Variants in GATAD2B observed in about 807,000 individuals in gnomAD.
The protein encoded by GATAD2B is transcriptional repressor p66-beta.
A neutral mutation model predicts 64.3 loss-of-function variants in GATAD2B; 8 were observed. That is an observed-to-expected ratio of 0.12 (90% CI 0.07 to 0.22). The LOEUF (loss-of-function observed/expected upper bound fraction) is 0.22, where lower values mean the gene tolerates loss of function less well. Among genes scored for constraint, GATAD2B ranks in the 10% least tolerant of loss-of-function variants. GATAD2B has a pLI of 1.00. For missense variants in GATAD2B, 453 were observed against 752.0 expected, an observed-to-expected ratio of 0.60 and a Z score of 4.65; for synonymous variants, 281 against 271.3, an observed-to-expected ratio of 1.04 and a Z score of -0.35.
chr1:153,901,544 A>G (rs1244458596), intron 1 of GATAD2B, among the ~76,000 whole-genome samples: 1 of 152,012 alleles, frequency 6.6e-6, no homozygotes. Flanking sequence ...AAAATGTCCA[A>G]CTGCGCCCGA....
chr1:153,891,574 T>TAAAAAA lies in GATAD2B; in HGVS notation c.-2+31153_-2+31158dup, dbSNP rs1163572311. ...AACAAAAGTGAAACTCTGTCTCGTT[T>TAAAAAA]AAAAAAAAAAAAAAAAAAAAAAAAG... On this transcript the variant is annotated intron_variant, in intron 1 of 10. Transcript: ENST00000368655. Among the ~76,000 whole-genome samples, 52 of 19,946 alleles carry TAAAAAA rather than the reference T, an allele frequency of 2.6e-3. 1 individual carries two copies. Among genetic ancestry groups the TAAAAAA allele is most frequent in the Non-Finnish European group, 3.3e-3 (39 of 11,994 alleles). 13.1% of individuals were successfully genotyped at this position (19,946 alleles called of 152,430 possible).
chr1:153,822,581 C>T (rs1236859464), intron 2 of GATAD2B, among the ~76,000 whole-genome samples: 2 of 152,126 alleles, frequency 1.3e-5, no homozygotes, highest in Non-Finnish European at 2.9e-5. Flanking sequence ...GGTGCAATCT[C>T]GGCGCACTGC....
intron 1 of GATAD2B, among the ~76,000 whole-genome samples, chr1:153,900,146 A>C (rs1183416864): frequency 2.0e-5 from 3 of 152,086 alleles, no homozygotes; most frequent in African/African-American, 7.2e-5. Flanking sequence ...GGGCGCAGTG[A>C]GTGGCTCATG....
chr1:153,827,451 G>C (rs983774368), intron 2 of GATAD2B: 1 of 153,032 alleles, frequency 6.5e-6, no homozygotes, highest in Non-Finnish European at 1.5e-5. Context: ...AAAACATGTT[G>C]CATGTGTGAG....
intron 2 of GATAD2B, among the ~76,000 whole-genome samples, chr1:153,822,500 G>C (rs1008579716): frequency 6.6e-6 from 1 of 152,260 alleles, no homozygotes; most frequent in Admixed American, 6.5e-5. Flanking sequence ...GCACAGATAA[G>C]GCAAAGCCAA....
chr1:153,901,899 C>T (rs1044224328), intron 1 of GATAD2B, among the ~76,000 whole-genome samples: 5 of 149,098 alleles, frequency 3.4e-5, no homozygotes, highest in African/African-American at 9.9e-5. Flanking sequence ...CCACCCTGAA[C>T]GTGCCCGGTC....
chr1:153,901,154 C>T (rs1207843881), intron 1 of GATAD2B, among the ~76,000 whole-genome samples: 1 of 150,980 alleles, frequency 6.6e-6, no homozygotes, highest in Non-Finnish European at 1.5e-5. Flanking sequence ...GCAGAGGTTG[C>T]AGTAAGCCGC....
intron 1 of GATAD2B, among the ~76,000 whole-genome samples, chr1:153,900,767 T>C (rs909464710): frequency 2.0e-5 from 3 of 152,182 alleles, no homozygotes; most frequent in Non-Finnish European, 4.4e-5. Context: ...AACTCTGACA[T>C]TGTAGCAGCA....
In GATAD2B at chr1:153,817,951, G is replaced by A. The variant is rs1674541233; in HGVS notation, c.729+89C>T. On this transcript the variant is annotated intron_variant, in intron 5 of 10. Transcript: ENST00000368655. ...GTAATAACACCTCTATCATGGCCAG[G>A]TTCTTCTATAATCTTCACAAAAGCC... 7.6e-6 allele frequency: 9 copies of A among 1,183,684 alleles called. No homozygotes were observed. The African/African-American group carries it at 9.4e-5, about 12-fold the overall frequency. 73.3% of individuals were successfully genotyped at this position (1,183,684 alleles called of 1,614,324 possible).
At chr1:153,913,479 G>A (rs550209792) in intron 1 of GATAD2B, among the ~76,000 whole-genome samples, 1 of 152,172 alleles carries the variant, frequency 6.6e-6, no homozygotes, top group African/African-American at 2.4e-5. Context: ...TAGCCTGTTA[G>A]ATGAAAGGCA....
rs1224157259 is a variant in GATAD2B, at chr1:153,864,648, GAA to G, written c.-1-36302_-1-36301del. ...AAAGAGAAGAAGAAAAGAAAGAGAT[GAA>G]AGAGAGGGAGGGAGGAAAAGGAAAG... On this transcript the variant is annotated intron_variant, in intron 1 of 10. Transcript: ENST00000368655. Among the ~76,000 whole-genome samples the G allele has an allele frequency of 4.6e-5, 7 of 151,922 alleles. No individual in the cohort carries two copies. The South Asian group carries it at 1.5e-3, about 32-fold the overall frequency.
At chr1:153,906,426 A>G (rs1198097697) in intron 1 of GATAD2B, among the ~76,000 whole-genome samples, 1 of 152,188 alleles carries the variant, frequency 6.6e-6, no homozygotes, top group East Asian at 1.9e-4. Context: ...CTTAACAACA[A>G]AAAATTAACA....
rs1255258151 is a variant in GATAD2B at position 153,816,648 on chromosome 1, G to T, written c.901-60C>A. On this transcript the variant is annotated intron_variant, in intron 6 of 10. Transcript: ENST00000368655. This position sits in a 1 kb window ranked among gnomAD's most constrained non-coding sequence, Gnocchi z 4.9. ...TGCAGGAGAAAGGGCCAATTCTTAC[G>T]TTCTTGGCAGAGGACACTGTCTGAT... is the stretch of plus-strand genomic sequence containing the variant. 6 of 1,124,678 alleles carry T rather than the reference G, an allele frequency of 5.3e-6. No individual in the cohort carries two copies. In the East Asian group the frequency reaches 1.4e-4, roughly 27 times the overall value. 69.7% of individuals were successfully genotyped at this position (1,124,678 alleles called of 1,614,324 possible).
chr1:153,906,242 A>AC (rs1677936027), intron 1 of GATAD2B, among the ~76,000 whole-genome samples: 1 of 151,422 alleles, frequency 6.6e-6, no homozygotes, highest in Admixed American at 6.6e-5. Context: ...ATATGGTGAA[A>AC]CCCCATCTCT....
intron 1 of GATAD2B, among the ~76,000 whole-genome samples, chr1:153,898,306 C>CAA (rs11373311): frequency 0.011 from 924 of 80,560 alleles, 15 homozygotes; most frequent in Admixed American, 0.026. Context: ...CAGCCTGTCT[C>CAA]AAAAAAAAAA....
At chr1:153,815,280 C>CAAACAAAAAAAAAAAA (rs1674428697) in intron 7 of GATAD2B, among the ~76,000 whole-genome samples, 1 of 66,626 alleles carries the variant, frequency 1.5e-5, no homozygotes, top group Non-Finnish European at 2.7e-5. Context: ...CTCAAAAAAA[C>CAAACAAAAAAAAAAAA]AAAAAAAAAA....
intron 1 of GATAD2B, among the ~76,000 whole-genome samples, chr1:153,830,657 A>G (rs1675048522): frequency 6.7e-6 from 1 of 148,918 alleles, no homozygotes; most frequent in South Asian, 2.1e-4. Context: ...TTGTATTTTT[A>G]GTAGAGACGG....
chr1:153,910,141 T>A (rs1207530508), intron 1 of GATAD2B, among the ~76,000 whole-genome samples: 4 of 151,996 alleles, frequency 2.6e-5, no homozygotes, highest in East Asian at 1.9e-4. Context: ...AATAATTTTT[T>A]AAAAAGTAAT....
intron 1 of GATAD2B, among the ~76,000 whole-genome samples, chr1:153,881,832 T>G (rs890791432): frequency 1.3e-5 from 2 of 152,080 alleles, no homozygotes; most frequent in African/African-American, 4.8e-5. Context: ...GGGTCCCCTT[T>G]CTTTCTCTGT....
Sources: gnomAD v4.1 joint callset for allele counts (sites outside exome capture counted in the v4.1 genomes callset) on GRCh38, gnomAD v4.1.1 for gene constraint, Gnocchi (gnomAD v3.1) non-coding constraint, MANE v1.5 for transcripts, NCBI Gene and HGNC (gene_info 2026-07-23, HGNC 2026-07-21) for gene names.